Variants in STPG2 observed in about 807,000 individuals in gnomAD.
STPG2 encodes sperm tail PG-rich repeat containing 2, also known as sperm-tail PG-rich repeat-containing protein 2.
A neutral mutation model predicts 54.2 loss-of-function variants in STPG2; 56 were observed. That is an observed-to-expected ratio of 1.03 (90% CI 0.83 to 1.29). The LOEUF (loss-of-function observed/expected upper bound fraction) is 1.29, where lower values mean the gene tolerates loss of function less well. Among genes scored for constraint, STPG2 ranks in the 50% most tolerant of loss-of-function variants. STPG2 has a pLI of 0.00. For synonymous variants in STPG2, 200 were observed against 181.8 expected (o/e 1.10, Z -0.81); for missense variants, 596 against 544.9 (o/e 1.09, Z -0.93).
intron 8 of STPG2, among the ~76,000 whole-genome samples, chr4:97,848,370 T>G (rs1030749058): frequency 6.6e-6 from 1 of 152,192 alleles, no homozygotes; most frequent in African/African-American, 2.4e-5. Flanking sequence ...AGCTGTCCGA[T>G]GAGAAGGAAG....
chr4:98,020,282 G>C (rs1213574419), intron 5 of STPG2, among the ~76,000 whole-genome samples: 1 of 130,994 alleles, frequency 7.6e-6, no homozygotes, highest in Non-Finnish European at 1.7e-5. Context: ...TAATCATGTG[G>C]TTTTTGTCTT....
intron 8 of STPG2, among the ~76,000 whole-genome samples, chr4:97,845,734 A>T (rs1468288803): frequency 2.6e-5 from 4 of 152,172 alleles, no homozygotes; most frequent in Non-Finnish European, 5.9e-5. Context: ...GAAATAGTAA[A>T]ATTTTAAAAT....
intron 8 of STPG2, among the ~76,000 whole-genome samples, chr4:97,888,884 T>A (rs1433050375): frequency 6.6e-6 from 1 of 152,070 alleles, no homozygotes; most frequent in African/African-American, 2.4e-5. Flanking sequence ...TTGGTACTAT[T>A]CTGATGATAA....
chr4:97,998,827 T>TC (rs1415689639), intron 5 of STPG2, among the ~76,000 whole-genome samples: 3 of 152,102 alleles, frequency 2.0e-5, no homozygotes, highest in Admixed American at 1.3e-4. Flanking sequence ...CTGGCAAGAC[T>TC]CCATTTTGTG....
At chr4:97,906,228 C>T (rs1030999345) in intron 8 of STPG2, among the ~76,000 whole-genome samples, 4 of 152,186 alleles carry the variant, frequency 2.6e-5, no homozygotes, top group African/African-American at 7.2e-5. Flanking sequence ...TCAGAGAATA[C>T]TACAAACACC....
intron 2 of STPG2, among the ~76,000 whole-genome samples, chr4:98,132,948 T>TAAAA (rs200375140): frequency 6.9e-5 from 7 of 101,540 alleles, no homozygotes; most frequent in East Asian, 3.3e-4. Context: ...TGAAATGAAC[T>TAAAA]AAAAAAAAAA....
At chr4:97,708,801 TA>T (rs917421367) in intron 10 of STPG2, among the ~76,000 whole-genome samples, 53 of 150,592 alleles carry the variant, frequency 3.5e-4, no homozygotes, top group East Asian at 7.8e-4. Context: ...ATCCCATAAT[TA>T]AAAAAAAATA....
At chr4:97,522,479 T>G (rs2148847865) in intron 4 of STPG2, among the ~76,000 whole-genome samples, 1 of 152,168 alleles carries the variant, frequency 6.6e-6, no homozygotes, top group South Asian at 2.1e-4. Flanking sequence ...AATGAAATAA[T>G]TTTAGTAAAC....
At chr4:97,826,381 A>G (rs1728259247) in intron 9 of STPG2, among the ~76,000 whole-genome samples, 1 of 122,742 alleles carries the variant, frequency 8.1e-6, no homozygotes, top group Admixed American at 7.7e-5. Context: ...CAAGTTGTGG[A>G]AAGTTTATAA....
chr4:97,810,919 G>C (rs1715141274), intron 9 of STPG2, among the ~76,000 whole-genome samples: 1 of 152,046 alleles, frequency 6.6e-6, no homozygotes, highest in African/African-American at 2.4e-5. Flanking sequence ...TTAGTAAATG[G>C]TGGCATAAAA....
chr4:97,622,024 A>T (rs1034006489), intron 10 of STPG2, among the ~76,000 whole-genome samples: 2 of 152,218 alleles, frequency 1.3e-5, no homozygotes, highest in Non-Finnish European at 2.9e-5. Context: ...TTAAAAGACC[A>T]CATGATTATT....
chr4:98,110,769 G>C (rs570037097), intron 3 of STPG2, among the ~76,000 whole-genome samples: 2 of 152,090 alleles, frequency 1.3e-5, no homozygotes, highest in South Asian at 4.2e-4. Context: ...GGCAAGAATT[G>C]AGCTGGCTGC....
intron 10 of STPG2, among the ~76,000 whole-genome samples, chr4:97,567,211 T>TACACAC (rs34172060): frequency 3.4e-4 from 50 of 145,226 alleles, no homozygotes; most frequent in East Asian, 2.4e-3. Flanking sequence ...CACACACACA[T>TACACAC]ACACACACAC....
chr4:97,509,510 A>G (rs1161106320), intron 4 of STPG2, among the ~76,000 whole-genome samples: 1 of 152,154 alleles, frequency 6.6e-6, no homozygotes, highest in Non-Finnish European at 1.5e-5. Context: ...TAGAGAAGTT[A>G]CAAATGAGAA....
intron 5 of STPG2, among the ~76,000 whole-genome samples, chr4:98,046,013 C>A: frequency 6.6e-6 from 1 of 151,608 alleles, no homozygotes; most frequent in African/African-American, 2.4e-5. Context: ...GAGTGGTATC[C>A]ATAAGTCCCT....
At chr4:97,836,370 T>A (rs1045553466) in intron 9 of STPG2, among the ~76,000 whole-genome samples, 2 of 134,006 alleles carry the variant, frequency 1.5e-5, no homozygotes, top group African/African-American at 2.5e-5. Context: ...TTGTTAGCAG[T>A]TTTTTTTAGC....
At chr4:98,037,984 G>A (rs28785514) in intron 5 of STPG2, among the ~76,000 whole-genome samples, 59,668 of 151,688 alleles carry the variant, frequency 0.39, 11,910 homozygotes, top group Middle Eastern at 0.46. Context: ...TAGATGTGAC[G>A]ATTGTATAAT....
intron 7 of STPG2, among the ~76,000 whole-genome samples, chr4:97,947,387 G>A (rs1733275290): frequency 6.6e-6 from 1 of 151,944 alleles, no homozygotes; most frequent in Admixed American, 6.6e-5. Context: ...CAATCTAAAT[G>A]CACTGTATTT....
In STPG2 at chr4:97,842,648, T is replaced by G. The variant is rs368114685; in HGVS notation, c.1045-1716A>C. Among the ~76,000 whole-genome samples, 113 of 152,044 alleles carry G rather than the reference T, an allele frequency of 7.4e-4. 4 individuals carry two copies. In the East Asian group the frequency reaches 0.02, roughly 27 times the overall value. ...GGCTACTGCCACACAGAAACTATTT[T>G]TTTTAATAACTTGAAGCAAAGACAA... On this transcript the variant is annotated intron_variant, in intron 8 of 10. Coordinates refer to ENST00000295268, the MANE Select transcript of STPG2 (RefSeq NM_174952.3).
Sources: gnomAD v4.1 joint callset for allele counts (sites outside exome capture counted in the v4.1 genomes callset) on GRCh38, gnomAD v4.1.1 for gene constraint, MANE v1.5 for transcripts, NCBI Gene and HGNC (gene_info 2026-07-23, HGNC 2026-07-21) for gene names.